The following GRIA4 variants were observed in gnomAD, a reference collection of about 807,000 sequenced individuals.
The protein encoded by GRIA4 is glutamate receptor 4.
GRIA4 carries 34 observed loss-of-function variants against 104.0 expected under a neutral mutation model. The ratio of observed to expected loss-of-function variants is 0.33; its 90% CI spans 0.25 to 0.44. GRIA4 has a LOEUF of 0.44. Among genes scored for constraint, GRIA4 ranks in the 20% least tolerant of loss-of-function variants. The probability of loss-of-function intolerance (pLI) is 1.00; values close to 1 mark genes in which losing one functional copy is unlikely to be tolerated. For synonymous variants in GRIA4, 386 were observed against 381.9 expected (o/e 1.01, Z -0.13); for missense variants, 750 against 1,096.5 (o/e 0.68, Z 4.46).
chr11:105,677,314 C>T (rs1265733640), intron 3 of GRIA4, among the ~76,000 whole-genome samples: 2 of 151,910 alleles, frequency 1.3e-5, no homozygotes, highest in African/African-American at 4.8e-5. Context: ...AAGAAATGCA[C>T]TATTGATACT....
intron 4 of GRIA4, among the ~76,000 whole-genome samples, chr11:105,809,112 T>C (rs1164030258): frequency 6.6e-6 from 1 of 152,132 alleles, no homozygotes; most frequent in Non-Finnish European, 1.5e-5. Flanking sequence ...GCAGGGTATT[T>C]AGGAACTCTC....
At chr11:105,728,647 A>G (rs1476378747) in intron 3 of GRIA4, among the ~76,000 whole-genome samples, 1 of 152,234 alleles carries the variant, frequency 6.6e-6, no homozygotes, top group Non-Finnish European at 1.5e-5. Flanking sequence ...AAATTATAAC[A>G]AACAGTCTCA....
intron 4 of GRIA4, among the ~76,000 whole-genome samples, chr11:105,836,980 G>A (rs1346679057): frequency 2.0e-5 from 3 of 152,136 alleles, no homozygotes; most frequent in African/African-American, 7.2e-5. Flanking sequence ...TATAAAGGAA[G>A]AGGTTTGATT....
intron 3 of GRIA4, among the ~76,000 whole-genome samples, chr11:105,629,332 T>C (rs965546947): frequency 2.0e-5 from 3 of 151,894 alleles, no homozygotes; most frequent in African/African-American, 4.8e-5. Flanking sequence ...AGTAATACTC[T>C]AGATTTTCAA....
At chr11:105,687,436 T>C (rs759838477) in intron 3 of GRIA4, among the ~76,000 whole-genome samples, 2 of 152,182 alleles carry the variant, frequency 1.3e-5, no homozygotes, top group Non-Finnish European at 2.9e-5. Context: ...ATGTGTTACT[T>C]GAAAGAGACA....
intron 3 of GRIA4, among the ~76,000 whole-genome samples, chr11:105,709,552 G>T (rs2135544944): frequency 6.6e-6 from 1 of 152,174 alleles, no homozygotes; most frequent in Non-Finnish European, 1.5e-5. Context: ...GAAACCTGGT[G>T]GACACCATCT....
intron 3 of GRIA4, among the ~76,000 whole-genome samples, chr11:105,628,587 C>G (rs1950949761): frequency 6.6e-6 from 1 of 152,126 alleles, no homozygotes; most frequent in African/African-American, 2.4e-5. Flanking sequence ...TGTTTGCTTC[C>G]TCTTCCACCA....
chr11:105,713,690 T>C (rs974105067), intron 3 of GRIA4, among the ~76,000 whole-genome samples: 1 of 152,180 alleles, frequency 6.6e-6, no homozygotes, highest in Admixed American at 6.6e-5. Flanking sequence ...TAATTTGGGA[T>C]TGTTGTTAAA....
At chr11:105,650,868 C>T (rs77815165) in intron 3 of GRIA4, among the ~76,000 whole-genome samples, 153 of 152,242 alleles carry the variant, frequency 1.0e-3, no homozygotes, top group African/African-American at 3.4e-3. Flanking sequence ...AATTAGACAA[C>T]ACGTGAATAA....
intron 3 of GRIA4, among the ~76,000 whole-genome samples, chr11:105,657,039 G>C (rs1244011302): frequency 9.7e-6 from 1 of 102,686 alleles, no homozygotes; most frequent in East Asian, 2.6e-4. Context: ...TATTGCTCCA[G>C]AAAAAAAAAG....
intron 3 of GRIA4, among the ~76,000 whole-genome samples, chr11:105,741,893 T>C (rs1373032579): frequency 1.3e-5 from 2 of 152,106 alleles, no homozygotes; most frequent in Non-Finnish European, 1.5e-5. Flanking sequence ...GGTCAAAGGG[T>C]ACAAACTTGC....
chr11:105,895,588 T>C (rs191828639), intron 6 of GRIA4, among the ~76,000 whole-genome samples: 3 of 149,054 alleles, frequency 2.0e-5, no homozygotes, highest in Non-Finnish European at 4.5e-5. Context: ...AGAAAATGTG[T>C]ACACAATAGA....
chr11:105,774,552 C>G (rs908511654), intron 4 of GRIA4, among the ~76,000 whole-genome samples: 1 of 151,948 alleles, frequency 6.6e-6, no homozygotes, highest in Non-Finnish European at 1.5e-5. Flanking sequence ...ATGTTTGAGG[C>G]TAATAAAAAG....
intron 4 of GRIA4, among the ~76,000 whole-genome samples, chr11:105,768,553 T>C (rs1167833845): frequency 2.0e-5 from 3 of 152,090 alleles, no homozygotes; most frequent in Non-Finnish European, 4.4e-5. Flanking sequence ...AAATAAATTA[T>C]ACTCAGTACC....
chr11:105,629,559 G>A (rs1475272638), intron 3 of GRIA4, among the ~76,000 whole-genome samples: 1 of 152,088 alleles, frequency 6.6e-6, no homozygotes, highest in Middle Eastern at 3.2e-3. Context: ...TGTTGATAGT[G>A]ATTATTTTTC....
At chr11:105,905,973 T>C (rs1947028642) in intron 9 of GRIA4, among the ~76,000 whole-genome samples, 1 of 152,186 alleles carries the variant, frequency 6.6e-6, no homozygotes, top group Admixed American at 6.5e-5. Flanking sequence ...TGGTTATAAG[T>C]GTTTTGTAGC....
intron 4 of GRIA4, among the ~76,000 whole-genome samples, chr11:105,790,635 C>T (rs1367932650): frequency 6.6e-6 from 1 of 152,034 alleles, no homozygotes; most frequent in African/African-American, 2.4e-5. Flanking sequence ...CTGCCTCAAG[C>T]CAGGGAAATA....
intron 3 of GRIA4, among the ~76,000 whole-genome samples, chr11:105,663,622 T>C (rs1952077776): frequency 6.6e-6 from 1 of 151,892 alleles, no homozygotes; most frequent in Admixed American, 6.6e-5. Context: ...TTAGAGGAAC[T>C]AGATGATGAT....
intron 4 of GRIA4, among the ~76,000 whole-genome samples, chr11:105,811,250 T>C (rs1331030927): frequency 6.6e-6 from 1 of 152,152 alleles, no homozygotes; most frequent in Non-Finnish European, 1.5e-5. Context: ...AAAAACACAT[T>C]GTGACTTTCA....
Sources: allele counts gnomAD v4.1 joint callset (sites outside exome capture counted in the v4.1 genomes callset), GRCh38; gene constraint gnomAD v4.1.1; transcripts MANE v1.5; gene names NCBI Gene and HGNC (gene_info 2026-07-23, HGNC 2026-07-21).